The following TRAF3 variants were observed in gnomAD, a reference collection of about 807,000 sequenced individuals.
The protein encoded by TRAF3 is TNF receptor-associated factor 3.
Under a neutral mutation model 62.3 loss-of-function variants are expected in TRAF3, and 13 were observed. The observed-to-expected ratio is 0.21, with a 90% confidence interval of 0.14 to 0.33. The LOEUF (loss-of-function observed/expected upper bound fraction) is 0.33. TRAF3 is among the 10% of genes least tolerant of loss of function. The probability of loss-of-function intolerance (pLI) is 1.00; values close to 1 mark genes in which losing one functional copy is unlikely to be tolerated. For missense variants in TRAF3, 440 were observed against 741.8 expected, an observed-to-expected ratio of 0.59 and a Z score of 4.73; for synonymous variants, 269 against 283.4, an observed-to-expected ratio of 0.95 and a Z score of 0.51.
In TRAF3 at chr14:102,870,303, T is replaced by C; in HGVS notation, c.102T>C (p.Pro34=). ...DRSAGTPVFV[P]EQGGYKEKFV... is the part of the protein sequence containing the mutation. ...GTGCTGGGACGCCAGTTTTTGTCCC[T>C]GAACAAGGAGGTTACAAGGAAAAGT... Residue 34 remains proline, a synonymous_variant, in exon 3 of 12, where the codon CCT becomes CCC. Transcript: ENST00000392745. The C allele has an allele frequency of 1.9e-6, 3 of 1,614,226 alleles. No homozygotes were observed. Among genetic ancestry groups the C allele is most frequent in the East Asian group, 2.2e-5 (1 of 44,878 alleles).
At chr14:102,779,742 G>A (rs1367556071) in intron 1 of TRAF3, among the ~76,000 whole-genome samples, 3 of 152,360 alleles carry the variant, frequency 2.0e-5, no homozygotes, top group Non-Finnish European at 4.4e-5. Context: ...CCACTGTGGC[G>A]TTGCAAGTCT....
intron 2 of TRAF3, among the ~76,000 whole-genome samples, chr14:102,840,327 C>T (rs1224666349): frequency 6.6e-6 from 1 of 152,122 alleles, no homozygotes; most frequent in Non-Finnish European, 1.5e-5. Flanking sequence ...GATGGGTGGG[C>T]TCAAGTGATC....
At chr14:102,871,372 A>T (rs1888333019) in intron 3 of TRAF3, among the ~76,000 whole-genome samples, 1 of 152,244 alleles carries the variant, frequency 6.6e-6, no homozygotes, top group South Asian at 2.1e-4. Context: ...GTGTCTCCTA[A>T]CACAAGAGCC....
intron 1 of TRAF3, among the ~76,000 whole-genome samples, chr14:102,816,836 A>G (rs992554790): frequency 2.0e-5 from 3 of 152,224 alleles, no homozygotes; most frequent in Non-Finnish European, 4.4e-5. Flanking sequence ...GAAAGAGCTC[A>G]TAAGGAGGAC....
chr14:102,869,804 TAAA>T (rs1168298718), intron 2 of TRAF3, among the ~76,000 whole-genome samples: 8 of 132,928 alleles, frequency 6.0e-5, no homozygotes, highest in South Asian at 2.4e-4. Flanking sequence ...AGACTCCGTC[TAAA>T]AAAAAAAAAA....
intron 2 of TRAF3, among the ~76,000 whole-genome samples, chr14:102,853,522 T>TC (rs1197477980): frequency 6.6e-6 from 1 of 152,094 alleles, no homozygotes; most frequent in Non-Finnish European, 1.5e-5. Flanking sequence ...AGTGTACAAC[T>TC]CAGTGGCTTT....
chr14:102,894,506 G>T (rs766744317), intron 9 of TRAF3, among the ~76,000 whole-genome samples: 1 of 151,960 alleles, frequency 6.6e-6, no homozygotes, highest in African/African-American at 2.4e-5. Flanking sequence ...CTCCTGGGCC[G>T]GTGTTTTGCC....
chr14:102,854,610 A>C (rs901156450), intron 2 of TRAF3, among the ~76,000 whole-genome samples: 1 of 151,828 alleles, frequency 6.6e-6, no homozygotes, highest in Non-Finnish European at 1.5e-5. Flanking sequence ...AGTGATTCCC[A>C]CCTCAGCCCC....
chr14:102,801,583 G>A (rs949719334), intron 1 of TRAF3, among the ~76,000 whole-genome samples: 1 of 152,018 alleles, frequency 6.6e-6, no homozygotes, highest in African/African-American at 2.4e-5. Flanking sequence ...CACCCAGGCT[G>A]AGGTGCAGTA....
intron 1 of TRAF3, among the ~76,000 whole-genome samples, chr14:102,828,567 C>G (rs967026278): frequency 7.2e-5 from 11 of 152,174 alleles, no homozygotes; most frequent in African/African-American, 2.7e-4. Context: ...TTGTTTTCAT[C>G]TCTGTGTTCA....
chr14:102,908,262 G>A lies in TRAF3; in HGVS notation c.*2478G>A, dbSNP rs1392141709. 6.6e-6 allele frequency: 1 copy of A among 152,358 alleles called. No individual in the cohort carries two copies. Among genetic ancestry groups the A allele is most frequent in the Admixed American group, 6.5e-5 (1 of 15,270 alleles). The allele number at this position is 152,358 out of a possible 1,614,324, so 9.4% of individuals were successfully genotyped here. On this transcript the variant is annotated 3_prime_UTR_variant, in exon 12 of 12. Transcript: ENST00000392745. Reference sequence around the variant, plus strand: ...CACAGACGTAACCTGAGTGACAGGAGTCCTTGAGGATGGGATGGCCTATGT... The same window carrying A: ...CACAGACGTAACCTGAGTGACAGGAATCCTTGAGGATGGGATGGCCTATGT...
chr14:102,906,031 G>A lies in TRAF3; in HGVS notation c.*247G>A, dbSNP rs1890570622. The A allele has an allele frequency of 7.0e-6, 3 of 425,806 alleles. No individual in the cohort carries two copies. Among genetic ancestry groups the A allele is most frequent in the East Asian group, 7.4e-5 (2 of 26,978 alleles). The allele number at this position is 425,806 out of a possible 1,614,324, so 26.4% of individuals were successfully genotyped here. ...CAAGATAAATATTGCTGTCAGAGAA[G>A]GTTTTCATTTTCATTTTTAAAGATC... On this transcript the variant is annotated 3_prime_UTR_variant, in exon 12 of 12. Coordinates refer to ENST00000392745, the MANE Select transcript of TRAF3 (RefSeq NM_145725.3).
chr14:102,833,015 G>A (rs2139639730), intron 2 of TRAF3, among the ~76,000 whole-genome samples: 1 of 152,224 alleles, frequency 6.6e-6, no homozygotes, highest in South Asian at 2.1e-4. Flanking sequence ...GGTGGGGGAG[G>A]TCCCCATATC....
intron 2 of TRAF3, among the ~76,000 whole-genome samples, chr14:102,845,322 C>A (rs1886634497): frequency 6.6e-6 from 1 of 151,670 alleles, no homozygotes; most frequent in South Asian, 2.1e-4. Flanking sequence ...CCTGCCTCAG[C>A]CTCCCGGTTA....
chr14:102,812,232 A>G (rs2139525726), intron 1 of TRAF3, among the ~76,000 whole-genome samples: 1 of 151,948 alleles, frequency 6.6e-6, no homozygotes. Context: ...TAGCTTCCAC[A>G]TGTATTAGTG....
chr14:102,806,038 C>T (rs766213854), intron 1 of TRAF3, among the ~76,000 whole-genome samples: 16 of 150,884 alleles, frequency 1.1e-4, no homozygotes, highest in Non-Finnish European at 2.1e-4. Flanking sequence ...GGTGCAGTTT[C>T]GTACCCTAGG....
At chr14:102,869,836 G>T (rs973034812) in intron 2 of TRAF3, among the ~76,000 whole-genome samples, 6 of 151,784 alleles carry the variant, frequency 4.0e-5, no homozygotes, top group Non-Finnish European at 8.8e-5. Context: ...TTGGAGACAG[G>T]GCCTCGCTCT....
intron 1 of TRAF3, among the ~76,000 whole-genome samples, chr14:102,789,410 G>A (rs1205527224): frequency 6.6e-6 from 1 of 152,138 alleles, no homozygotes; most frequent in Non-Finnish European, 1.5e-5. Flanking sequence ...GTAATATCGT[G>A]TTTAACTTAT....
intron 2 of TRAF3, among the ~76,000 whole-genome samples, chr14:102,833,722 C>T (rs1388655033): frequency 1.3e-5 from 2 of 152,158 alleles, no homozygotes; most frequent in African/African-American, 2.4e-5. Context: ...TGGCCGGGTG[C>T]GGTGGCTCAC....
Sources: allele counts gnomAD v4.1 joint callset (sites outside exome capture counted in the v4.1 genomes callset), GRCh38; gene constraint gnomAD v4.1.1; transcripts MANE v1.5; gene names NCBI Gene and HGNC (gene_info 2026-07-23, HGNC 2026-07-21).